STRADA: variants seen among roughly 807,000 people sequenced by gnomAD.
STRADA encodes the protein STE20 related adaptor alpha, also known as STE20-related kinase adapter protein alpha.
STRADA carries 26 observed loss-of-function variants against 55.0 expected under a neutral mutation model. The observed-to-expected ratio is 0.47, with a 90% CI of 0.35 to 0.66. STRADA has a LOEUF of 0.66. Among genes scored for constraint, STRADA ranks in the 30% least tolerant of loss-of-function variants. The pLI, the probability that STRADA is intolerant of heterozygous loss-of-function variation, is 0.01. For missense variants in STRADA, 443 were observed against 549.7 expected, an observed-to-expected ratio of 0.81 and a Z score of 1.94; for synonymous variants, 197 against 210.9, an observed-to-expected ratio of 0.93 and a Z score of 0.57.
At chr17:63,718,608 C>G (rs1189125535) in intron 4 of STRADA, among the ~76,000 whole-genome samples, 1 of 152,216 alleles carries the variant, frequency 6.6e-6, no homozygotes, top group Non-Finnish European at 1.5e-5. Context: ...TATGAGTATA[C>G]AAATGATTTG....
Position 63,703,448 on chromosome 17 carries a change from T to C in STRADA, c.*151A>G. On this transcript the variant is annotated 3_prime_UTR_variant, in exon 13 of 13. Coordinates refer to ENST00000336174, the MANE Select transcript of STRADA (RefSeq NM_001003787.4). ...GCAGTGAAGTGTCTCTCCAGGATTT[T>C]CTTTCCCAATCAGTCAGCAGTCAAC... The C allele has an allele frequency of 1.4e-6, 1 of 728,666 alleles. No homozygotes were observed. 45.1% of individuals were successfully genotyped at this position (728,666 alleles called of 1,614,324 possible).
At chr17:63,732,009 C>T (rs999398648) in intron 1 of STRADA, among the ~76,000 whole-genome samples, 15 of 152,064 alleles carry the variant, frequency 9.9e-5, no homozygotes, top group South Asian at 4.2e-4. Context: ...GGACTACAGG[C>T]GCCCGCCACC....
chr17:63,713,280 T>G, intron 6 of STRADA, 126 bp downstream of exon 6: 1 of 1,307,872 alleles, frequency 7.6e-7, no homozygotes, highest in Non-Finnish European at 1.0e-6. Flanking sequence ...TGGCCAGGAT[T>G]CTCCACTGAA....
intron 3 of STRADA, among the ~76,000 whole-genome samples, chr17:63,725,211 G>A (rs1482877690): frequency 1.3e-5 from 2 of 152,062 alleles, no homozygotes; most frequent in East Asian, 1.9e-4. Flanking sequence ...CAGCTTGAGC[G>A]ACAGAGCGAG....
chr17:63,720,591 A>C (rs888588193), intron 4 of STRADA, among the ~76,000 whole-genome samples: 12 of 151,346 alleles, frequency 7.9e-5, no homozygotes, highest in African/African-American at 2.9e-4. Context: ...TGGCCAACAC[A>C]GTGAAACCCT....
chr17:63,705,848 C>T (rs1175280580), intron 10 of STRADA: 1 of 152,402 alleles, frequency 6.6e-6, no homozygotes, highest in Non-Finnish European at 1.5e-5. Context: ...TGACTGCTGT[C>T]TGCCTTCCAA....
At chr17:63,738,063 C>A (rs1255419627) in intron 1 of STRADA, among the ~76,000 whole-genome samples, 1 of 151,624 alleles carries the variant, frequency 6.6e-6, no homozygotes, top group Non-Finnish European at 1.5e-5. Context: ...AAAGAAGGGG[C>A]TGGGCACGGT....
intron 3 of STRADA, chr17:63,723,539 G>GGCT: frequency 1.7e-6 from 1 of 573,380 alleles, no homozygotes; most frequent in Non-Finnish European, 3.1e-6. Context: ...ATGGATCTAT[G>GGCT]GTTCTTCAAA....
At chr17:63,726,234 T>G (rs1357762774) in intron 3 of STRADA, 1 of 160,774 alleles carries the variant, frequency 6.2e-6, no homozygotes, top group East Asian at 1.8e-4. Flanking sequence ...CTCTTAAATC[T>G]CATAATTTCT....
chr17:63,721,309 T>C lies in STRADA; in HGVS notation c.123+1989A>G, dbSNP rs188503741. Among the ~76,000 whole-genome samples, 3 of 149,038 alleles carry C rather than the reference T, an allele frequency of 2.0e-5. No homozygotes were observed. The Admixed American group carries it at 2.0e-4, about 10-fold the overall frequency. ...ATCGCTTGAACCCGAGAGGTGGAGG[T>C]TGCAGTGAGCCGAGATCATGCCATT... On this transcript the variant is annotated intron_variant, in intron 4 of 12. Transcript: ENST00000336174.
chr17:63,705,705 A>G (rs953029990), intron 10 of STRADA: 1 of 152,272 alleles, frequency 6.6e-6, no homozygotes, highest in Non-Finnish European at 1.5e-5. Flanking sequence ...AGTCCCCAAG[A>G]AGCACTGCAC....
rs139996759 is a variant in STRADA at position 63,735,036 on chromosome 17, G to A, written c.-44-6623C>T. Reference sequence around the variant, plus strand: ...TAGGCATGGTGGCGGGCACCTGTAAGCTCAGCTATTTGTGAAGCTGAGACA... The same window carrying A: ...TAGGCATGGTGGCGGGCACCTGTAAACTCAGCTATTTGTGAAGCTGAGACA... On this transcript the variant is annotated intron_variant, in intron 1 of 12. Transcript: ENST00000336174. Among the ~76,000 whole-genome samples, 8 of 152,228 alleles carry A rather than the reference G, an allele frequency of 5.3e-5. No individual in the cohort carries two copies. The East Asian group carries it at 1.6e-3, about 30-fold the overall frequency.
intron 10 of STRADA, chr17:63,705,096 A>G: frequency 1.6e-6 from 1 of 638,146 alleles, no homozygotes; most frequent in Non-Finnish European, 2.8e-6. Context: ...AAGTACCCCA[A>G]CTCAACACAT....
intron 3 of STRADA, among the ~76,000 whole-genome samples, chr17:63,725,410 G>A (rs1707588901): frequency 6.6e-6 from 1 of 151,966 alleles, no homozygotes; most frequent in African/African-American, 2.4e-5. Context: ...GGAGTGCAAT[G>A]GCGTGATCTT....
chr17:63,704,762 C>T (rs2035967173), intron 10 of STRADA, 180 bp from the exon 11 acceptor site: 6 of 1,531,078 alleles, frequency 3.9e-6, no homozygotes, highest in South Asian at 2.4e-5. Flanking sequence ...TGGTCACTGG[C>T]GTGGCAGCTC....
intron 4 of STRADA, 79 bp from the exon 5 acceptor site, chr17:63,714,187 C>A (rs993473899): frequency 9.6e-7 from 1 of 1,042,500 alleles, no homozygotes. Context: ...GTAATTCAGA[C>A]CCACGAGGAG....
intron 12 of STRADA, 107 bp from the exon 13 acceptor site, chr17:63,703,858 T>A: frequency 6.2e-7 from 1 of 1,611,574 alleles, no homozygotes; most frequent in Non-Finnish European, 8.5e-7. Flanking sequence ...CGGAGCCAAC[T>A]CCATGAGAGG....
chr17:63,731,407 C>T (rs1486821762), intron 1 of STRADA, among the ~76,000 whole-genome samples: 2 of 151,866 alleles, frequency 1.3e-5, no homozygotes, highest in Non-Finnish European at 2.9e-5. Context: ...GGATTACAGG[C>T]ATGCGCTACC....
chr17:63,726,055 T>A (rs1473069436), intron 3 of STRADA: 3 of 152,238 alleles, frequency 2.0e-5, no homozygotes, highest in Admixed American at 6.6e-5. Flanking sequence ...TTATTTTTAT[T>A]GAAAATAATT....
Sources: allele counts gnomAD v4.1 joint callset (sites outside exome capture counted in the v4.1 genomes callset), GRCh38; gene constraint gnomAD v4.1.1; transcripts MANE v1.5; gene names NCBI Gene and HGNC (gene_info 2026-07-23, HGNC 2026-07-21).